The following KAZN variants were observed in gnomAD, a reference collection of about 807,000 sequenced individuals.
KAZN encodes the protein kazrin.
KAZN carries 40 observed loss-of-function variants against 87.4 expected under a neutral mutation model. The ratio of observed to expected loss-of-function variants is 0.46; its 90% CI spans 0.36 to 0.60. KAZN has a LOEUF of 0.60. Ranked by LOEUF, KAZN falls within the 20% of genes least tolerant of loss-of-function variation. The pLI is 0.00. For missense variants in KAZN, 898 were observed against 1,073.9 expected, an observed-to-expected ratio of 0.84 and a Z score of 2.29; for synonymous variants, 466 against 458.3, an observed-to-expected ratio of 1.02 and a Z score of -0.22.
chr1:15,052,765 G>A (rs933033029), intron 4 of KAZN, among the ~76,000 whole-genome samples: 1 of 152,162 alleles, frequency 6.6e-6, no homozygotes, highest in Non-Finnish European at 1.5e-5. Context: ...GTTTATCCTT[G>A]TGCTTCAGAA....
At chr1:14,126,250 C>A (rs1332667854) in intron 1 of KAZN, among the ~76,000 whole-genome samples, 1 of 152,116 alleles carries the variant, frequency 6.6e-6, no homozygotes, top group Admixed American at 6.5e-5. Context: ...TGTGGGTTTC[C>A]CTAGGGGAAG....
chr1:14,298,899 C>T (rs1444462028), intron 2 of KAZN, among the ~76,000 whole-genome samples: 1 of 152,238 alleles, frequency 6.6e-6, no homozygotes, highest in African/African-American at 2.4e-5. Flanking sequence ...CTCACTGGCA[C>T]TCCAGCTTGC....
intron 2 of KAZN, among the ~76,000 whole-genome samples, chr1:14,291,529 A>G (rs1331390315): frequency 1.3e-5 from 2 of 152,188 alleles, no homozygotes; most frequent in African/African-American, 4.8e-5. Context: ...CCTTTTGCTA[A>G]GACCTTTAGA....
intron 2 of KAZN, among the ~76,000 whole-genome samples, chr1:14,504,588 T>C (rs1670450167): frequency 6.6e-6 from 1 of 152,138 alleles, no homozygotes; most frequent in African/African-American, 2.4e-5. Flanking sequence ...ATGAGAGCTA[T>C]CTGGGAGGAA....
At chr1:14,705,769 A>G (rs569451940) in intron 1 of KAZN, among the ~76,000 whole-genome samples, 2 of 152,310 alleles carry the variant, frequency 1.3e-5, no homozygotes, top group South Asian at 4.1e-4. Flanking sequence ...AGAGGCAGAG[A>G]AGGGGAGTAG....
intron 1 of KAZN, among the ~76,000 whole-genome samples, chr1:14,836,165 C>T (rs1647247953): frequency 6.6e-6 from 1 of 152,208 alleles, no homozygotes; most frequent in Non-Finnish European, 1.5e-5. Flanking sequence ...CTGAAGCCTG[C>T]ATGCCCACCT....
intron 2 of KAZN, among the ~76,000 whole-genome samples, chr1:14,997,381 C>T (rs368246725): frequency 7.0e-4 from 107 of 152,112 alleles, no homozygotes; most frequent in African/African-American, 2.0e-3. Context: ...GCTGGGATTA[C>T]AGGCATGCGT....
At chr1:14,555,733 T>C (rs1673822430) in intron 2 of KAZN, among the ~76,000 whole-genome samples, 1 of 152,196 alleles carries the variant, frequency 6.6e-6, no homozygotes, top group Admixed American at 6.5e-5. Flanking sequence ...TGATTTCTGT[T>C]TGCTAGCCAT....
At chr1:15,069,696 G>C (rs1366194251) in intron 8 of KAZN, among the ~76,000 whole-genome samples, 1 of 152,186 alleles carries the variant, frequency 6.6e-6, no homozygotes. Flanking sequence ...AACTTCAAAT[G>C]GTACCTATTA....
intron 1 of KAZN, among the ~76,000 whole-genome samples, chr1:14,636,255 G>C (rs975741969): frequency 3.3e-5 from 5 of 152,208 alleles, no homozygotes; most frequent in African/African-American, 1.2e-4. Flanking sequence ...GGTGGGGCTA[G>C]ATGTAAATTA....
chr1:14,502,097 A>G (rs1156586700), intron 2 of KAZN, among the ~76,000 whole-genome samples: 1 of 152,204 alleles, frequency 6.6e-6, no homozygotes, highest in East Asian at 1.9e-4. Context: ...GACTTTAAAA[A>G]AGGTAAATTT....
At chr1:14,913,520 A>G (rs1244761221) in intron 1 of KAZN, among the ~76,000 whole-genome samples, 1 of 152,250 alleles carries the variant, frequency 6.6e-6, no homozygotes, top group Non-Finnish European at 1.5e-5. Flanking sequence ...CATTGGGACT[A>G]GGGGCCATTA....
chr1:14,300,245 G>T (rs1168484012), intron 2 of KAZN, among the ~76,000 whole-genome samples: 2 of 143,704 alleles, frequency 1.4e-5, no homozygotes, highest in African/African-American at 5.1e-5. Flanking sequence ...AAGTTTAATG[G>T]GCAGCTATGG....
intron 1 of KAZN, among the ~76,000 whole-genome samples, chr1:14,801,974 G>A (rs987818676): frequency 6.6e-5 from 10 of 151,554 alleles, no homozygotes; most frequent in African/African-American, 2.4e-4. Flanking sequence ...GTCGGCCACC[G>A]TGCCTGGCCT....
At chr1:14,458,010 G>T (rs879470334) in intron 2 of KAZN, among the ~76,000 whole-genome samples, 19 of 151,976 alleles carry the variant, frequency 1.3e-4, no homozygotes, top group Non-Finnish European at 2.4e-4. Flanking sequence ...TTTTAGTAGA[G>T]TTATGGTTTC....
At chr1:14,277,261 T>C (rs1652437665) in intron 2 of KAZN, among the ~76,000 whole-genome samples, 1 of 152,220 alleles carries the variant, frequency 6.6e-6, no homozygotes, top group South Asian at 2.1e-4. Context: ...TCATATCATT[T>C]CACCCACAAA....
chr1:14,393,955 G>T (rs1484815059), intron 2 of KAZN, among the ~76,000 whole-genome samples: 1 of 151,722 alleles, frequency 6.6e-6, no homozygotes, highest in African/African-American at 2.4e-5. Flanking sequence ...TCATTTTAAT[G>T]GTATCAGGAG....
chr1:14,936,213 A>C (rs10927585), intron 1 of KAZN, among the ~76,000 whole-genome samples: 7,658 of 152,274 alleles, frequency 0.05, 494 homozygotes, highest in African/African-American at 0.14. Flanking sequence ...TGGTGAAATG[A>C]AATCATAGTG....
chr1:14,000,913 G>C lies in KAZN; in HGVS notation c.91+107157G>C, dbSNP rs568691915. 4.7e-3 allele frequency among the ~76,000 whole-genome samples: 708 copies of C among 151,366 alleles called. 4 individuals are homozygous for C. Among genetic ancestry groups the C allele is most frequent in the African/African-American group, 0.016 (672 of 41,354 alleles). ...TTCTCCTGCCTCAGCCTCCCAAGTA[G>C]CTGGGACTACAGGCGCCCGCCACTA... On this transcript the variant is annotated intron_variant, in intron 1 of 16. Transcript: ENST00000636203.
Sources: gnomAD v4.1 joint callset for allele counts (sites outside exome capture counted in the v4.1 genomes callset) on GRCh38, gnomAD v4.1.1 for gene constraint, MANE v1.5 for transcripts, NCBI Gene and HGNC (gene_info 2026-07-23, HGNC 2026-07-21) for gene names.